The following EDIL3 variants were observed in gnomAD, a reference collection of about 807,000 sequenced individuals.
EDIL3 encodes EGF-like repeat and discoidin I-like domain-containing protein 3.
EDIL3 carries 37 observed loss-of-function variants against 67.4 expected under a neutral mutation model. That is an observed-to-expected ratio of 0.55 (90% CI 0.42 to 0.72). EDIL3 has a LOEUF of 0.72. Ranked by LOEUF, EDIL3 falls within the 30% of genes least tolerant of loss-of-function variation. EDIL3 has a pLI of 0.00. For synonymous variants in EDIL3, 195 were observed against 196.3 expected, an observed-to-expected ratio of 0.99 and a Z score of 0.05; for missense variants, 527 against 586.3, an observed-to-expected ratio of 0.90 and a Z score of 1.04.
chr5:83,951,842 C>T (rs1209971487), intron 10 of EDIL3, among the ~76,000 whole-genome samples: 2 of 151,756 alleles, frequency 1.3e-5, no homozygotes, highest in African/African-American at 4.8e-5. Context: ...AAGAGTTCAA[C>T]TGCTCCTAAA....
At chr5:84,346,588 C>G (rs997361333) in intron 1 of EDIL3, among the ~76,000 whole-genome samples, 2 of 152,100 alleles carry the variant, frequency 1.3e-5, no homozygotes, top group Admixed American at 6.6e-5. Context: ...GCTTGACTTT[C>G]ATTCCTTTTT....
At chr5:84,229,922 G>A (rs1192337992) in intron 2 of EDIL3, 38 bp from the exon 3 acceptor site, 1 of 1,508,480 alleles carries the variant, frequency 6.6e-7, no homozygotes, top group Non-Finnish European at 9.0e-7. Flanking sequence ...GGGTGGGGTA[G>A]AAGTGAAGGG....
chr5:84,152,698 C>T (rs529465826), intron 4 of EDIL3, among the ~76,000 whole-genome samples: 1 of 152,258 alleles, frequency 6.6e-6, no homozygotes, highest in African/African-American at 2.4e-5. Context: ...CATTAAATCT[C>T]CTTCTGCCAT....
intron 2 of EDIL3, among the ~76,000 whole-genome samples, chr5:84,230,762 G>GGTGTGTGTGTGT (rs1183189172): frequency 9.1e-5 from 3 of 32,798 alleles, no homozygotes; most frequent in Admixed American, 3.0e-4. Context: ...CCCACTACGT[G>GGTGTGTGTGTGT]ATGTGTGTGT....
chr5:84,358,320 T>C (rs1203404114), intron 1 of EDIL3, among the ~76,000 whole-genome samples: 2 of 152,138 alleles, frequency 1.3e-5, no homozygotes, highest in East Asian at 3.9e-4. Flanking sequence ...TAAATCCAGG[T>C]CACCTGCACC....
chr5:83,953,216 G>T (rs565674713), intron 10 of EDIL3, among the ~76,000 whole-genome samples: 27 of 151,920 alleles, frequency 1.8e-4, no homozygotes, highest in African/African-American at 6.5e-4. Flanking sequence ...TTATACTAAA[G>T]AATGTATCAT....
chr5:84,015,318 G>C (rs1374832980), intron 9 of EDIL3, among the ~76,000 whole-genome samples: 1 of 152,182 alleles, frequency 6.6e-6, no homozygotes, highest in Non-Finnish European at 1.5e-5. Flanking sequence ...GAATGAGAAA[G>C]GTTATTGCAC....
At chr5:84,311,464 A>G (rs1179067007) in intron 1 of EDIL3, among the ~76,000 whole-genome samples, 1 of 151,672 alleles carries the variant, frequency 6.6e-6, no homozygotes, top group Non-Finnish European at 1.5e-5. Context: ...AAAATTTAGG[A>G]GGGGGCTGGG....
chr5:84,163,133 A>G (rs1748643456), intron 4 of EDIL3, among the ~76,000 whole-genome samples: 1 of 152,142 alleles, frequency 6.6e-6, no homozygotes. Flanking sequence ...TTGAACCTCA[A>G]AGAGTGACTC....
chr5:84,357,841 T>C (rs1431733536), intron 1 of EDIL3, among the ~76,000 whole-genome samples: 2 of 150,234 alleles, frequency 1.3e-5, no homozygotes, highest in Admixed American at 1.3e-4. Flanking sequence ...TAAGCTGAGA[T>C]TGTGCCACTG....
chr5:84,090,872 C>A (rs149452812), intron 6 of EDIL3, among the ~76,000 whole-genome samples: 2 of 151,298 alleles, frequency 1.3e-5, no homozygotes, highest in Non-Finnish European at 2.9e-5. Flanking sequence ...CGCTTGAACC[C>A]GGGAGGCGGA....
chr5:84,343,070 A>G (rs1747158506), intron 1 of EDIL3, among the ~76,000 whole-genome samples: 1 of 152,126 alleles, frequency 6.6e-6, no homozygotes, highest in African/African-American at 2.4e-5. Flanking sequence ...ATAATTTTCA[A>G]TGGATAAAAG....
intron 6 of EDIL3, among the ~76,000 whole-genome samples, chr5:84,105,947 T>C (rs541306506): frequency 6.6e-6 from 1 of 152,072 alleles, no homozygotes; most frequent in African/African-American, 2.4e-5. Flanking sequence ...AATGACTTGT[T>C]AGATGGTTAT....
intron 9 of EDIL3, among the ~76,000 whole-genome samples, chr5:84,006,693 C>A (rs922763866): frequency 3.9e-5 from 6 of 152,066 alleles, no homozygotes; most frequent in Admixed American, 6.6e-5. Context: ...ATCTATGGAA[C>A]AAACCTAAAC....
At chr5:83,952,097 T>TAG (rs1189645932) in intron 10 of EDIL3, among the ~76,000 whole-genome samples, 4 of 151,826 alleles carry the variant, frequency 2.6e-5, no homozygotes, top group African/African-American at 9.7e-5. Context: ...GGAGAGCTGG[T>TAG]AGCTCTTTAG....
intron 6 of EDIL3, among the ~76,000 whole-genome samples, chr5:84,072,875 T>G (rs1561422309): frequency 6.6e-6 from 1 of 152,024 alleles, no homozygotes; most frequent in Non-Finnish European, 1.5e-5. Flanking sequence ...GAGAGAGATC[T>G]TAGCATAATG....
chr5:84,199,285 G>A (rs1743782157), intron 3 of EDIL3, among the ~76,000 whole-genome samples: 1 of 151,858 alleles, frequency 6.6e-6, no homozygotes. Context: ...AACTACTTAT[G>A]GATGCAGGAT....
intron 1 of EDIL3, among the ~76,000 whole-genome samples, chr5:84,303,576 G>T (rs999782327): frequency 6.6e-6 from 1 of 152,046 alleles, no homozygotes; most frequent in Non-Finnish European, 1.5e-5. Flanking sequence ...ACTCCCCAAT[G>T]AATTTAGAGA....
chr5:84,209,914 A>T lies in EDIL3; in HGVS notation c.226+19941T>A, dbSNP rs560967370. On this transcript the variant is annotated intron_variant, in intron 3 of 10. Coordinates refer to ENST00000296591, the MANE Select transcript of EDIL3 (RefSeq NM_005711.5). ...ATTTCCCAGGGGTCATTTCTATATC[A>T]CACTGAGACACTTGGCTCTTGTTAC... Among the ~76,000 whole-genome samples, 4 of 152,330 alleles carry T rather than the reference A, an allele frequency of 2.6e-5. No individual in the cohort carries two copies. The South Asian group carries it at 6.2e-4, about 24-fold the overall frequency.
Sources: gnomAD v4.1 joint callset for allele counts (sites outside exome capture counted in the v4.1 genomes callset) on GRCh38, gnomAD v4.1.1 for gene constraint, MANE v1.5 for transcripts, NCBI Gene and HGNC (gene_info 2026-07-23, HGNC 2026-07-21) for gene names.